RMST: variants seen among roughly 807,000 people sequenced by gnomAD.
RMST encodes rhabdomyosarcoma 2 associated transcript.
intron 10 of RMST, among the ~76,000 whole-genome samples, chr12:97,519,817 TAATGTGGC>T (rs1880325793): frequency 6.6e-6 from 1 of 152,206 alleles, no homozygotes; most frequent in South Asian, 2.1e-4. Flanking sequence ...GCTTTAAGTA[TAATGTGGC>T]AATGTGTTCA....
intron 11 of RMST, among the ~76,000 whole-genome samples, chr12:97,547,815 T>C (rs1592784228): frequency 6.6e-6 from 1 of 152,322 alleles, no homozygotes; most frequent in Non-Finnish European, 1.5e-5. Context: ...ATGTATAGTT[T>C]GCAAATACTT....
At chr12:97,564,662 T>C (rs894950611) in exon 14 of RMST, 55 of 152,168 alleles carry the variant, frequency 3.6e-4, no homozygotes, top group African/African-American at 1.2e-3. Flanking sequence ...GAAATATTAG[T>C]TTTTCTTCCT....
chr12:97,501,203 T>C (rs1878039102), intron 10 of RMST, among the ~76,000 whole-genome samples: 1 of 152,182 alleles, frequency 6.6e-6, no homozygotes, highest in Admixed American at 6.5e-5. Flanking sequence ...TTTCAATATT[T>C]ACCAGTAAGG....
chr12:97,477,707 G>A (rs1304580247), intron 5 of RMST, among the ~76,000 whole-genome samples: 3 of 152,160 alleles, frequency 2.0e-5, no homozygotes, highest in Admixed American at 2.0e-4. Context: ...TTAATGCATG[G>A]TTTTTCCTCT....
chr12:97,498,068 G>C (rs1877652913), intron 10 of RMST, among the ~76,000 whole-genome samples: 1 of 152,152 alleles, frequency 6.6e-6, no homozygotes, highest in Non-Finnish European at 1.5e-5. Context: ...GAGGAGGGGA[G>C]GGAACAAGGA....
At chr12:97,501,488 G>A (rs1444888051) in intron 10 of RMST, among the ~76,000 whole-genome samples, 24 of 152,162 alleles carry the variant, frequency 1.6e-4, no homozygotes, top group Non-Finnish European at 4.4e-5. Context: ...TTCTCCAGAG[G>A]ACAGGCTCAT....
intron 7 of RMST, among the ~76,000 whole-genome samples, chr12:97,493,597 A>C (rs558319503): frequency 2.0e-4 from 31 of 152,290 alleles, no homozygotes; most frequent in African/African-American, 7.0e-4. Context: ...TACTTGCATT[A>C]TACGATATAA....
intron 11 of RMST, among the ~76,000 whole-genome samples, chr12:97,543,560 C>T (rs1433436469): frequency 6.6e-6 from 1 of 151,936 alleles, no homozygotes; most frequent in Non-Finnish European, 1.5e-5. Context: ...CTGAAGCTGG[C>T]ATAATATGGA....
At chr12:97,466,325 T>G (rs1873182928) in intron 5 of RMST, among the ~76,000 whole-genome samples, 1 of 152,194 alleles carries the variant, frequency 6.6e-6, no homozygotes, top group Admixed American at 6.5e-5. Context: ...CTTTATTAAC[T>G]CTGGGGTTTT....
At chr12:97,550,585 T>C (rs574853333) in intron 11 of RMST, among the ~76,000 whole-genome samples, 1 of 152,288 alleles carries the variant, frequency 6.6e-6, no homozygotes, top group African/African-American at 2.4e-5. Flanking sequence ...TATTCATAGA[T>C]TCCTGTCAGT....
chr12:97,470,088 A>G (rs569257478), intron 5 of RMST, among the ~76,000 whole-genome samples: 2 of 152,212 alleles, frequency 1.3e-5, no homozygotes, highest in African/African-American at 4.8e-5. Context: ...TGCCTTCTCA[A>G]AGCCCTCAAA....
chr12:97,475,207 T>A (rs1467880755), intron 5 of RMST, among the ~76,000 whole-genome samples: 1 of 152,162 alleles, frequency 6.6e-6, no homozygotes, highest in East Asian at 1.9e-4. Context: ...TGATCAGTCA[T>A]GGTTTCAGCC....
intron 11 of RMST, among the ~76,000 whole-genome samples, chr12:97,538,468 G>A (rs1178352120): frequency 6.6e-6 from 1 of 151,240 alleles, no homozygotes; most frequent in African/African-American, 2.4e-5. Flanking sequence ...GGTATCTGAA[G>A]CTTAGAGTAC....
At chr12:97,475,745 G>A (rs1041814404) in intron 5 of RMST, among the ~76,000 whole-genome samples, 11 of 151,974 alleles carry the variant, frequency 7.2e-5, no homozygotes, top group Admixed American at 2.6e-4. Context: ...TAAGTAGTGG[G>A]TCCTCTTGTT....
intron 5 of RMST, among the ~76,000 whole-genome samples, chr12:97,475,077 TA>T (rs1419142628): frequency 6.6e-6 from 1 of 152,212 alleles, no homozygotes; most frequent in Non-Finnish European, 1.5e-5. Context: ...ACGTGAAATC[TA>T]AATTGCAGTG....
At chr12:97,530,085 G>A (rs368857807) in intron 10 of RMST, among the ~76,000 whole-genome samples, 2 of 152,042 alleles carry the variant, frequency 1.3e-5, no homozygotes, top group East Asian at 1.9e-4. Flanking sequence ...GATTCCACAG[G>A]TTGACTTGGG....
chr12:97,552,872 G>C (rs551551980), intron 11 of RMST, among the ~76,000 whole-genome samples: 1 of 152,228 alleles, frequency 6.6e-6, no homozygotes, highest in Non-Finnish European at 1.5e-5. Flanking sequence ...TTGGAAGAAA[G>C]GTCTCCTCAA....
At chr12:97,491,562 A>G (rs1347677763) in intron 5 of RMST, 2 of 177,936 alleles carry the variant, frequency 1.1e-5, no homozygotes, top group Non-Finnish European at 2.5e-5. Context: ...CTATTAATAT[A>G]AGATTAGCAT....
chr12:97,563,900 T>G (rs1266708796), intron 13 of RMST: 1 of 509,478 alleles, frequency 2.0e-6, no homozygotes, highest in Non-Finnish European at 4.1e-6. Context: ...TGAAATACAT[T>G]GTGAAAAATC....
Sources: allele counts gnomAD v4.1 joint callset (sites outside exome capture counted in the v4.1 genomes callset), GRCh38; gene constraint gnomAD v4.1.1; transcripts MANE v1.5; gene names NCBI Gene and HGNC (gene_info 2026-07-23, HGNC 2026-07-21).